The following ATP5F1B variants were observed in gnomAD, a reference collection of about 807,000 sequenced individuals.
ATP5F1B encodes ATP synthase F1 subunit beta.
A neutral mutation model predicts 45.9 loss-of-function variants in ATP5F1B; 17 were observed. That is an observed-to-expected ratio of 0.37 (90% CI 0.25 to 0.56). The LOEUF (loss-of-function observed/expected upper bound fraction) is 0.56. ATP5F1B is among the 20% of genes least tolerant of loss of function. The pLI, the probability that ATP5F1B is intolerant of heterozygous loss-of-function variation, is 0.80. For synonymous variants in ATP5F1B, 218 were observed against 256.5 expected (o/e 0.85, Z 1.43); for missense variants, 387 against 673.2 (o/e 0.57, Z 4.70).
chr12:56,645,847 C>A lies in ATP5F1B; in HGVS notation c.117G>T (p.Ala39=), dbSNP rs149422069. ...GAGAAAAGCACTTACCAGGATGGAC[C>A]GCCGTCGGAGCGGCCCGCAGTAAGA... ...AQLLLRAAPT[A]VHPVRDYAAQ... The change falls in exon 1 of 10, where the codon GCG becomes GCT. Residue 39 remains alanine, a synonymous_variant. Coordinates refer to ENST00000262030, the MANE Select transcript of ATP5F1B (RefSeq NM_001686.4). The A allele has an allele frequency of 6.5e-4, 1,049 of 1,608,792 alleles. 1 individual carries two copies. The highest frequency in any genetic ancestry group is 1.5e-3 in the Middle Eastern group (9 of 6,056).
At position 56,642,716 on chromosome 12, in the gene ATP5F1B, A is replaced by T. The variant is rs752204083; in HGVS notation, c.908T>A (p.Leu303Gln). ...FRDQEGQDVL[L>Q]FIDNIFRFTQ... ...GAAGCGAAAGATGTTATCAATAAATAGCAGTACATCTTGACCTTCTTGGTC... is the reference window on the plus strand; with the variant it reads ...GAAGCGAAAGATGTTATCAATAAATTGCAGTACATCTTGACCTTCTTGGTC... Residue 303 changes from leucine (L) to glutamine (Q), a missense_variant, in exon 6 of 10, where the codon CTA becomes CAA. Transcript: ENST00000262030. 6.2e-7 allele frequency: 1 copy of T among 1,614,230 alleles called. No homozygotes were observed. The highest frequency in any genetic ancestry group is 8.5e-7 in the Non-Finnish European group (1 of 1,180,044).
rs760190608 is a variant in ATP5F1B, at chr12:56,643,978, G to A, written c.486-20C>T. 1 of 1,612,110 alleles carries A rather than the reference G, an allele frequency of 6.2e-7. No homozygotes were observed. The highest frequency in any genetic ancestry group is 1.1e-5 in the South Asian group (1 of 90,686). On this transcript the variant is annotated intron_variant, in intron 3 of 9. Coordinates refer to ENST00000262030, the MANE Select transcript of ATP5F1B (RefSeq NM_001686.4). The stretch of plus-strand genomic sequence containing the variant: ...GCAAATCTGTAAAGGTAGAAGAGAG[G>A]ATAGTATCTATTCACCTTGTTGAAA...
chr12:56,645,710 G>C (rs1951544786), intron 1 of ATP5F1B, 127 bp downstream of exon 1: 2 of 1,491,888 alleles, frequency 1.3e-6, no homozygotes, highest in African/African-American at 2.8e-5. Flanking sequence ...AGCCATTAGA[G>C]AGCAAGACGC....
At chr12:56,644,986 A>T in intron 2 of ATP5F1B, 31 bp from the exon 3 acceptor site, 44 of 1,614,194 alleles carry the variant, frequency 2.7e-5, no homozygotes, top group Non-Finnish European at 3.6e-5. Context: ...AGGGTTATAC[A>T]TAAGGATAAA....
At chr12:56,645,707 A>G in intron 1 of ATP5F1B, 130 bp downstream of exon 1, 1 of 1,471,290 alleles carries the variant, frequency 6.8e-7, no homozygotes, top group Admixed American at 2.0e-5. Context: ...TCCAGCCATT[A>G]GAGAGCAAGA....
chr12:56,645,360 G>A lies in ATP5F1B; in HGVS notation c.128-7C>T, dbSNP rs770052405. 8 of 1,610,328 alleles carry A rather than the reference G, an allele frequency of 5.0e-6. No homozygotes were observed. In the African/African-American group the frequency reaches 9.4e-5, roughly 19 times the overall value. ...TGCGCCGCATAGTCCCTGACTAACA[G>A]ACAAAAGATATTGGAAGGAGCTGGG... On this transcript the variant is annotated splice_region_variant and splice_polypyrimidine_tract_variant and intron_variant, in intron 1 of 9. Transcript: ENST00000262030.
chr12:56,640,118 A>G lies in ATP5F1B; in HGVS notation c.1149T>C (p.Thr383=), dbSNP rs202065156. ...GCTCAGCAATGGCACGCGACAGTAC[A>G]GTGGTAGCATCCAAATGGGCAAACG... ...ATTFAHLDAT[T]VLSRAIAELG... The change falls in exon 8 of 10, where the codon ACT becomes ACC. Residue 383 remains threonine (T), a synonymous_variant. Coordinates refer to ENST00000262030, the MANE Select transcript of ATP5F1B (RefSeq NM_001686.4). 8 of 1,613,994 alleles carry G rather than the reference A, an allele frequency of 5.0e-6. No individual in the cohort carries two copies. The highest frequency in any genetic ancestry group is 2.2e-5 in the South Asian group (2 of 91,082).
chr12:56,645,711 A>C, intron 1 of ATP5F1B, 126 bp downstream of exon 1: 1 of 1,493,836 alleles, frequency 6.7e-7, no homozygotes, highest in Non-Finnish European at 9.1e-7. Context: ...GCCATTAGAG[A>C]GCAAGACGCG....
chr12:56,639,329 A>T (rs1201329102), intron 8 of ATP5F1B, 22 bp from the exon 9 acceptor site: 1 of 1,602,598 alleles, frequency 6.2e-7, no homozygotes, highest in African/African-American at 1.3e-5. Context: ...AAGAAGACTG[A>T]GTTAAGTATT....
chr12:56,644,444 G>A (rs966470860), intron 3 of ATP5F1B, among the ~76,000 whole-genome samples: 2 of 151,886 alleles, frequency 1.3e-5, no homozygotes, highest in African/African-American at 2.4e-5. Context: ...AACCCCATCT[G>A]TACTAAAAAT....
Position 56,645,358 on chromosome 12 carries a change from CA to C in ATP5F1B, c.128-6del. 6.2e-7 allele frequency: 1 copy of C among 1,611,252 alleles called. No individual in the cohort carries two copies. Among genetic ancestry groups the C allele is most frequent in the South Asian group, 1.1e-5 (1 of 90,960 alleles). Reference sequence around the variant, plus strand: ...TTTGCGCCGCATAGTCCCTGACTAACAGACAAAAGATATTGGAAGGAGCTGG... The same window carrying C: ...TTTGCGCCGCATAGTCCCTGACTAACGACAAAAGATATTGGAAGGAGCTGG... On this transcript the variant is annotated splice_polypyrimidine_tract_variant and splice_region_variant and intron_variant, in intron 1 of 9. Coordinates refer to ENST00000262030, the MANE Select transcript of ATP5F1B (RefSeq NM_001686.4).
chr12:56,645,390 G>A (rs1951542091), intron 1 of ATP5F1B, 37 bp from the exon 2 acceptor site: 1 of 1,593,142 alleles, frequency 6.3e-7, no homozygotes, highest in Non-Finnish European at 8.6e-7. Flanking sequence ...GCTGGGGTCA[G>A]GCCAGTTAAA....
chr12:56,640,194 T>G lies in ATP5F1B; in HGVS notation c.1075-2A>C. ...GTCATCAGCAGGCACATAGATAGCC[T>G]AAAGTGAGATCCCATGAAGAACAGG... On this transcript the variant is annotated splice_acceptor_variant, in intron 7 of 9. Coordinates refer to ENST00000262030, the MANE Select transcript of ATP5F1B (RefSeq NM_001686.4). LOFTEE classifies it high-confidence loss of function. The G allele has an allele frequency of 6.2e-7, 1 of 1,611,710 alleles. No homozygotes were observed. Among genetic ancestry groups the G allele is most frequent in the Non-Finnish European group, 8.5e-7 (1 of 1,179,012 alleles).
At chr12:56,638,652 T>C (rs1244498554) in intron 9 of ATP5F1B, among the ~76,000 whole-genome samples, 1 of 152,158 alleles carries the variant, frequency 6.6e-6, no homozygotes, top group East Asian at 1.9e-4. Flanking sequence ...TCCCAGCACT[T>C]TGGGAGGCCA....
rs907524697 is a variant in ATP5F1B at position 56,640,195 on chromosome 12, A to G, written c.1075-3T>C. The G allele has an allele frequency of 5.0e-6, 8 of 1,613,332 alleles. No homozygotes were observed. Among genetic ancestry groups the G allele is most frequent in the South Asian group, 1.1e-5 (1 of 90,962 alleles). On this transcript the variant is annotated splice_polypyrimidine_tract_variant and splice_region_variant and intron_variant, in intron 7 of 9. Transcript: ENST00000262030. ...TCATCAGCAGGCACATAGATAGCCTAAAGTGAGATCCCATGAAGAACAGGA... is the reference window on the plus strand; with the variant it reads ...TCATCAGCAGGCACATAGATAGCCTGAAGTGAGATCCCATGAAGAACAGGA...
rs762087122 is a variant in ATP5F1B, at chr12:56,644,872, T to C, written c.394A>G (p.Ile132Val). ...GTCTCAGGACCAACAGGAATTTTGA[T>C]TGGTGCACCAGAATCCAGTACTTTC... ...GQKVLDSGAP[I>V]KIPVGPETLG... Residue 132 changes from isoleucine to valine, a missense_variant, in exon 3 of 10, where the codon ATC (isoleucine) becomes GTC (valine). This residue lies in a region of ATP5F1B where 113 missense variants were observed against 168.0 expected (regional missense o/e 0.67). Coordinates refer to ENST00000262030, the MANE Select transcript of ATP5F1B (RefSeq NM_001686.4). The C allele has an allele frequency of 5.6e-6, 9 of 1,614,072 alleles. No homozygotes were observed. Among genetic ancestry groups the C allele is most frequent in the Middle Eastern group, 1.6e-4 (1 of 6,084 alleles).
At chr12:56,640,231 A>ATTTTT in intron 7 of ATP5F1B, 39 bp from the exon 8 acceptor site, 11 of 1,367,912 alleles carry the variant, frequency 8.0e-6, no homozygotes, top group South Asian at 2.5e-5. Context: ...ACCAAAGTAA[A>ATTTTT]TTTTTTTTTT....
At chr12:56,640,533 A>C (rs1390513524) in intron 7 of ATP5F1B, among the ~76,000 whole-genome samples, 1 of 151,800 alleles carries the variant, frequency 6.6e-6, no homozygotes, top group African/African-American at 2.4e-5. Flanking sequence ...CAGCGAACCA[A>C]AGTAATTTTA....
At chr12:56,645,054 G>A in intron 2 of ATP5F1B, 99 bp from the exon 3 acceptor site, 4 of 1,606,010 alleles carry the variant, frequency 2.5e-6, no homozygotes, top group Non-Finnish European at 3.4e-6. Context: ...TGTGGCTTCA[G>A]CAAACTCAGA....
Sources: allele counts gnomAD v4.1 joint callset (sites outside exome capture counted in the v4.1 genomes callset), GRCh38; gene constraint gnomAD v4.1.1; regional missense constraint gnomAD v4.1.1; transcripts MANE v1.5; gene names NCBI Gene and HGNC (gene_info 2026-07-23, HGNC 2026-07-21).